KLHL2: variants seen among roughly 807,000 people sequenced by gnomAD.
KLHL2 encodes the protein kelch-like protein 2.
In KLHL2, 15 loss-of-function variants were observed where a neutral mutation model predicts 75.8. The ratio of observed to expected loss-of-function variants is 0.20; its 90% CI spans 0.13 to 0.30. KLHL2 has a LOEUF of 0.30. Ranked by LOEUF, KLHL2 falls within the 10% of genes least tolerant of loss-of-function variation. The pLI, the probability that KLHL2 is intolerant of heterozygous loss-of-function variation, is 1.00. For synonymous variants in KLHL2, 214 were observed against 251.9 expected (o/e 0.85, Z 1.42); for missense variants, 381 against 741.0 (o/e 0.51, Z 5.64).
chr4:165,278,454 C>G lies in KLHL2; in HGVS notation c.544+15095C>G, dbSNP rs752817082. ...TCTCGAGTTTGGAAACAAACAGCTTCTAATGCAGCAAAAGCAATATGGCAT... is the reference window on the plus strand; with the variant it reads ...TCTCGAGTTTGGAAACAAACAGCTTGTAATGCAGCAAAAGCAATATGGCAT... On this transcript the variant is annotated intron_variant, in intron 5 of 14. Coordinates refer to ENST00000226725, the MANE Select transcript of KLHL2 (RefSeq NM_007246.4). 3.2e-6 allele frequency: 5 copies of G among 1,542,558 alleles called. No homozygotes were observed. The African/African-American group carries it at 6.8e-5, about 21-fold the overall frequency.
intron 1 of KLHL2, chr4:165,210,236 G>T (rs1737114034): frequency 2.0e-6 from 3 of 1,481,976 alleles, no homozygotes. Flanking sequence ...GCCTGTCTCT[G>T]CCTGGCACTG....
intron 5 of KLHL2, among the ~76,000 whole-genome samples, chr4:165,265,499 A>G (rs193299584): frequency 4.6e-5 from 7 of 152,036 alleles, no homozygotes; most frequent in African/African-American, 1.7e-4. Flanking sequence ...TAGAATTTTG[A>G]TGGTTTCAGG....
At chr4:165,320,495 A>G (rs921761777) in intron 14 of KLHL2, among the ~76,000 whole-genome samples, 2 of 152,172 alleles carry the variant, frequency 1.3e-5, no homozygotes, top group Non-Finnish European at 2.9e-5. Flanking sequence ...CACCAAAGGC[A>G]TAGAAGTGGT....
chr4:165,285,078 C>T lies in KLHL2; in HGVS notation c.545-9281C>T, dbSNP rs1743983726. ...TTACAAGATGAGATTTGGATGGGGA[C>T]ACAGAGCCAAACCTTATCAGTGTTC... is the stretch of plus-strand genomic sequence containing the variant. On this transcript the variant is annotated intron_variant, in intron 5 of 14. Coordinates refer to ENST00000226725, the MANE Select transcript of KLHL2 (RefSeq NM_007246.4). Among the ~76,000 whole-genome samples, 5 of 152,312 alleles carry T rather than the reference C, an allele frequency of 3.3e-5. No individual in the cohort carries two copies. The South Asian group carries it at 1.0e-3, about 32-fold the overall frequency.
At chr4:165,297,543 A>G (rs1579149775) in intron 6 of KLHL2, 66 bp from the exon 7 acceptor site, 2 of 924,984 alleles carry the variant, frequency 2.2e-6, no homozygotes, top group East Asian at 4.8e-5. Context: ...GTAGTCTCAT[A>G]TTTTATCCAG....
chr4:165,298,319 G>A (rs1745075138), intron 7 of KLHL2, among the ~76,000 whole-genome samples: 1 of 152,022 alleles, frequency 6.6e-6, no homozygotes, highest in Non-Finnish European at 1.5e-5. Flanking sequence ...TGCAGACCTG[G>A]AATTTTGAGG....
intron 2 of KLHL2, among the ~76,000 whole-genome samples, chr4:165,228,002 A>G (rs1291633870): frequency 6.6e-6 from 1 of 151,200 alleles, no homozygotes; most frequent in Non-Finnish European, 1.5e-5. Context: ...GGTTCAAGTG[A>G]TTCTTGTGTC....
chr4:165,280,835 A>G (rs1182117731), intron 5 of KLHL2, among the ~76,000 whole-genome samples: 1 of 152,206 alleles, frequency 6.6e-6, no homozygotes, highest in Non-Finnish European at 1.5e-5. Flanking sequence ...AAACTGCCTT[A>G]TGTTAATAGA....
chr4:165,288,866 T>C (rs549304586), intron 5 of KLHL2, among the ~76,000 whole-genome samples: 1 of 152,104 alleles, frequency 6.6e-6, no homozygotes, highest in Non-Finnish European at 1.5e-5. Context: ...CCTCATGGTT[T>C]TGTGGCTTGA....
chr4:165,309,202 T>C (rs535299962), intron 9 of KLHL2, among the ~76,000 whole-genome samples: 123 of 152,306 alleles, frequency 8.1e-4, no homozygotes, highest in African/African-American at 2.9e-3. Context: ...ACGGTACATT[T>C]ATTAAACCTG....
At chr4:165,305,489 G>T in intron 8 of KLHL2, 119 bp from the exon 9 acceptor site, 2 of 767,044 alleles carry the variant, frequency 2.6e-6, no homozygotes, top group South Asian at 1.6e-5. Context: ...GTTTGTATTC[G>T]CCAGCTCACC....
intron 5 of KLHL2, among the ~76,000 whole-genome samples, chr4:165,282,551 GACT>G (rs1743774837): frequency 6.6e-6 from 1 of 152,144 alleles, no homozygotes; most frequent in African/African-American, 2.4e-5. Context: ...TTTTGAGAAA[GACT>G]GATGCACTAG....
At chr4:165,249,798 A>C (rs1339047934) in intron 4 of KLHL2, among the ~76,000 whole-genome samples, 2 of 152,186 alleles carry the variant, frequency 1.3e-5, no homozygotes, top group African/African-American at 2.4e-5. Flanking sequence ...TGGAGATTTA[A>C]TAATGTGGAC....
At chr4:165,273,702 C>T (rs1314574898) in intron 5 of KLHL2, among the ~76,000 whole-genome samples, 3 of 152,218 alleles carry the variant, frequency 2.0e-5, no homozygotes, top group African/African-American at 7.2e-5. Context: ...CCTCCCCAGC[C>T]ATGTGGAACT....
At chr4:165,305,811 T>C in intron 9 of KLHL2, 86 bp downstream of exon 9, 2 of 942,732 alleles carry the variant, frequency 2.1e-6, no homozygotes, top group Non-Finnish European at 3.3e-6. Flanking sequence ...ATTAGAAAAA[T>C]CTCTATCAAA....
chr4:165,239,558 T>C (rs1461476895), intron 4 of KLHL2, among the ~76,000 whole-genome samples: 1 of 152,212 alleles, frequency 6.6e-6, no homozygotes, highest in East Asian at 1.9e-4. Flanking sequence ...AACCACCATA[T>C]GCCCAGCCTA....
At position 165,314,016 on chromosome 4, in the gene KLHL2, T is replaced by C. The variant is rs1234323532; in HGVS notation, c.1469-10T>C. 2 of 1,607,234 alleles carry C rather than the reference T, an allele frequency of 1.2e-6. No individual in the cohort carries two copies. The highest frequency in any genetic ancestry group is 3.4e-5 in the Admixed American group (2 of 58,624). ...TTTTGCCCCTCTATTTGGCTGGTTG[T>C]GTTTTATAGGTGTTGGTGTGTTAAA... On this transcript the variant is annotated splice_polypyrimidine_tract_variant and intron_variant, in intron 12 of 14. Coordinates refer to ENST00000226725, the MANE Select transcript of KLHL2 (RefSeq NM_007246.4).
intron 14 of KLHL2, among the ~76,000 whole-genome samples, chr4:165,320,043 G>A (rs527754969): frequency 2.6e-5 from 4 of 152,284 alleles, no homozygotes; most frequent in Non-Finnish European, 5.9e-5. Flanking sequence ...GATAACAGGA[G>A]AACACTTCTG....
At chr4:165,252,802 A>G (rs1328468296) in intron 4 of KLHL2, 1 of 152,136 alleles carries the variant, frequency 6.6e-6, no homozygotes, top group African/African-American at 2.4e-5. Flanking sequence ...ATCAGGTAGG[A>G]TTATTATTTT....
Sources: gnomAD v4.1 joint callset for allele counts (sites outside exome capture counted in the v4.1 genomes callset) on GRCh38, gnomAD v4.1.1 for gene constraint, MANE v1.5 for transcripts, NCBI Gene and HGNC (gene_info 2026-07-23, HGNC 2026-07-21) for gene names.